The following SCYL1 variants were observed in gnomAD, a reference collection of about 807,000 sequenced individuals.
SCYL1 encodes the protein SCY1 like pseudokinase 1.
In SCYL1, 85 loss-of-function variants were observed where a neutral mutation model predicts 94.8. The observed-to-expected ratio is 0.90, with a 90% CI of 0.75 to 1.07. SCYL1 has a LOEUF of 1.07. SCYL1 is among the 50% of genes least tolerant of loss of function. SCYL1 has a pLI of 0.00. For synonymous variants in SCYL1, 459 were observed against 435.5 expected (o/e 1.05, Z -0.67); for missense variants, 968 against 1,083.3 (o/e 0.89, Z 1.49).
chr11:65,530,526 C>T (rs1855308034), intron 6 of SCYL1, 103 bp from the exon 7 acceptor site: 1 of 1,331,656 alleles, frequency 7.5e-7, no homozygotes, highest in Non-Finnish European at 1.0e-6. Flanking sequence ...GCTCCAGAGC[C>T]CATAAGGCCC....
At chr11:65,536,163 G>T in intron 11 of SCYL1, 22 bp downstream of exon 11, 1 of 1,609,946 alleles carries the variant, frequency 6.2e-7, no homozygotes, top group Non-Finnish European at 8.5e-7. Context: ...CTGGGCCTGG[G>T]CCCTGGGCTG....
At position 65,538,639 on chromosome 11, in the gene SCYL1, C is replaced by T. The variant is rs919231376; in HGVS notation, c.*73C>T. On this transcript the variant is annotated 3_prime_UTR_variant, in exon 18 of 18. Coordinates refer to ENST00000270176, the MANE Select transcript of SCYL1 (RefSeq NM_020680.4). Reference sequence around the variant, plus strand: ...GTATTTATTGTACAAACCATGTGAGCCCGGCCGGCCCAGCCAGGCCATCTC... The same window carrying T: ...GTATTTATTGTACAAACCATGTGAGTCCGGCCGGCCCAGCCAGGCCATCTC... The T allele has an allele frequency of 4.0e-6, 6 of 1,503,176 alleles. No individual in the cohort carries two copies. Among genetic ancestry groups the T allele is most frequent in the Middle Eastern group, 1.8e-4 (1 of 5,706 alleles). The allele number at this position is 1,503,176 out of a possible 1,614,324, so 93.1% of individuals were successfully genotyped here. A position where few individuals can be genotyped will look rare whatever the true frequency, so the allele number is the denominator to read the frequency against.
At position 65,527,122 on chromosome 11, in the gene SCYL1, G is replaced by C. The variant is rs376998761; in HGVS notation, c.849+5G>C. 1 of 1,611,666 alleles carries C rather than the reference G, an allele frequency of 6.2e-7. No individual in the cohort carries two copies. Among genetic ancestry groups the C allele is most frequent in the Non-Finnish European group, 8.5e-7 (1 of 1,178,442 alleles). On this transcript the variant is annotated splice_donor_5th_base_variant and intron_variant, in intron 6 of 17. Coordinates refer to ENST00000270176, the MANE Select transcript of SCYL1 (RefSeq NM_020680.4). The stretch of plus-strand genomic sequence containing the variant: ...CTCTTCCTGGAGGAGATTCAGGTGA[G>C]CCCCCAACCCACCCTGGGCTTCGAC...
chr11:65,538,462 G>A lies in SCYL1; in HGVS notation c.2323G>A (p.Ala775Thr), dbSNP rs573462705. ...TDSRQVKAEL[A>T]RKKREERRRE... ...GCCAGGACAGGTCAAGGCTGAGCTG[G>A]CCCGGAAGAAGCGCGAGGAGCGGCG... Residue 775 changes from alanine to threonine, a missense_variant, in exon 18 of 18, where the codon GCC becomes ACC. This residue lies in a region of SCYL1 where 474 missense variants were observed against 463.6 expected (regional missense o/e 1.02). Transcript: ENST00000270176. 1.9e-6 allele frequency: 3 copies of A among 1,570,602 alleles called. No homozygotes were observed. The highest frequency in any genetic ancestry group is 4.7e-5 in the East Asian group (2 of 42,294).
At chr11:65,531,474 A>G (rs1468116701) in intron 7 of SCYL1, 102 bp from the exon 8 acceptor site, 1 of 812,436 alleles carries the variant, frequency 1.2e-6, no homozygotes, top group Non-Finnish European at 2.1e-6. Flanking sequence ...CTCCGCCATC[A>G]CTTCATTCCC....
intron 10 of SCYL1, 192 bp from the exon 11 acceptor site, chr11:65,535,761 G>A (rs753512346): frequency 4.8e-4 from 299 of 628,212 alleles, no homozygotes; most frequent in Non-Finnish European, 6.7e-4. Flanking sequence ...GAGGCAGTGT[G>A]GAACCCAGTG....
chr11:65,533,734 C>T (rs913197576), intron 9 of SCYL1, among the ~76,000 whole-genome samples: 1 of 151,994 alleles, frequency 6.6e-6, no homozygotes, highest in East Asian at 1.9e-4. Flanking sequence ...GAGCTGTGAT[C>T]GTGACACTGC....
In SCYL1 at chr11:65,538,477, G is replaced by T; in HGVS notation, c.2338G>T (p.Glu780Ter). 6.3e-7 allele frequency: 1 copy of T among 1,588,360 alleles called. No individual in the cohort carries two copies. The highest frequency in any genetic ancestry group is 8.6e-7 in the Non-Finnish European group (1 of 1,169,246). ...GGCTGAGCTGGCCCGGAAGAAGCGC[G>T]AGGAGCGGCGGCGGGAGATGGAGGC... ...VKAELARKKR[E>*]ERRREMEAKR... is the part of the protein sequence containing the mutation. Residue 780 changes from glutamate to a stop codon, truncating the protein, a stop_gained, in exon 18 of 18, where the codon GAG becomes TAG. Coordinates refer to ENST00000270176, the MANE Select transcript of SCYL1 (RefSeq NM_020680.4). LOFTEE classifies it high-confidence loss of function.
rs781490523 is a variant in SCYL1, at chr11:65,536,012, G to A, written c.1446G>A (p.Pro482=). ...GAGCCACTAGGGACCCGTTTGCACCGTCCCGGGTTGCGGGTGTCCTGGGCT... is the reference window on the plus strand; with the variant it reads ...GAGCCACTAGGGACCCGTTTGCACCATCCCGGGTTGCGGGTGTCCTGGGCT... ...FSRATRDPFA[P]SRVAGVLGFA... The change falls in exon 11 of 18, where the codon CCG becomes CCA. Residue 482 remains proline, a synonymous_variant. Transcript: ENST00000270176. The A allele has an allele frequency of 4.1e-5, 66 of 1,613,752 alleles. No individual in the cohort carries two copies. Among genetic ancestry groups the A allele is most frequent in the African/African-American group, 2.8e-4 (21 of 74,910 alleles).
chr11:65,536,646 G>A lies in SCYL1; in HGVS notation c.1712G>A (p.Gly571Asp), dbSNP rs781704923. 6.2e-7 allele frequency: 1 copy of A among 1,614,116 alleles called. No homozygotes were observed. The highest frequency in any genetic ancestry group is 8.5e-7 in the Non-Finnish European group (1 of 1,179,996). Residue 571 changes from glycine to aspartate, a missense_variant, in exon 13 of 18, where the codon GGC becomes GAC. Physicochemically the swap from Gly to Asp is moderately conservative, Grantham distance 94. Transcript: ENST00000270176. ...GMGGAAASWA[G>D]WAVTGVSSLT... ...GGAGGAGCCGCAGCTAGCTGGGCAG[G>A]CTGGGCCGTGACCGGGGTCTCCTCA...
At position 65,538,538 on chromosome 11, in the gene SCYL1, TGAAGCTGGGAGCCCG is replaced by T; in HGVS notation, c.2408_2422del (p.Gly803_Leu807del). ...GAGAGGAAGGTGGCCAAGGGCCCCA[TGAAGCTGGGAGCCCG>T]GAAGCTGGACTGAACCGTGGCGGTG... On this transcript the variant is annotated inframe_deletion, in exon 18 of 18. Coordinates refer to ENST00000270176, the MANE Select transcript of SCYL1 (RefSeq NM_020680.4). 6.2e-7 allele frequency: 1 copy of T among 1,611,686 alleles called. No homozygotes were observed. Among genetic ancestry groups the T allele is most frequent in the Non-Finnish European group, 8.5e-7 (1 of 1,179,534 alleles).
At position 65,531,463 on chromosome 11, in the gene SCYL1, C is replaced by G. The variant is rs533351591; in HGVS notation, c.1009-113C>G. 484 of 749,416 alleles carry G rather than the reference C, an allele frequency of 6.5e-4. 1 individual carries two copies. Among genetic ancestry groups the G allele is most frequent in the African/African-American group, 6.1e-3 (353 of 58,268 alleles). The allele number at this position is 749,416 out of a possible 1,614,324, so 46.4% of individuals were successfully genotyped here. On this transcript the variant is annotated intron_variant, in intron 7 of 17. Coordinates refer to ENST00000270176, the MANE Select transcript of SCYL1 (RefSeq NM_020680.4). ...GCTACTGAGGAAATGCCTGCCCCCCCCTCCGCCATCACTTCATTCCCACCC... is the reference window on the plus strand; with the variant it reads ...GCTACTGAGGAAATGCCTGCCCCCCGCTCCGCCATCACTTCATTCCCACCC...
Position 65,526,864 on chromosome 11 carries a change from C to A in SCYL1, c.684C>A (p.Asn228Lys). Residue 228 changes from asparagine to lysine, a missense_variant, in exon 5 of 18, where the codon AAC becomes AAA. Physicochemically the swap from Asn to Lys is moderately conservative, Grantham distance 94. Coordinates refer to ENST00000270176, the MANE Select transcript of SCYL1 (RefSeq NM_020680.4). The surrounding 1 kb of genome is among the most constrained non-coding windows in gnomAD (Gnocchi z 4.1). ...GPLPRAAALR[N>K]PGKIPKTLVP... Reference sequence around the variant, plus strand: ...TACCTCGGGCAGCAGCCCTACGCAACCCTGGGAAGGTAAGTTTCTTGCCCC... The same window carrying A: ...TACCTCGGGCAGCAGCCCTACGCAAACCTGGGAAGGTAAGTTTCTTGCCCC... 6.2e-7 allele frequency: 1 copy of A among 1,613,404 alleles called. No individual in the cohort carries two copies. Among genetic ancestry groups the A allele is most frequent in the South Asian group, 1.1e-5 (1 of 91,082 alleles).
chr11:65,526,795 G>T lies in SCYL1; in HGVS notation c.615G>T (p.Met205Ile). The T allele has an allele frequency of 6.2e-7, 1 of 1,612,772 alleles. No homozygotes were observed. The highest frequency in any genetic ancestry group is 8.5e-7 in the Non-Finnish European group (1 of 1,179,900). ...RVVREKWSAD[M>I]WRLGCLIWEV... is the part of the protein sequence containing the mutation. ...GTCACTGCCACAGGTCAGCAGACAT[G>T]TGGCGCTTGGGCTGCCTCATTTGGG... The change falls in exon 5 of 18, where the codon ATG (methionine) becomes ATT (isoleucine). Residue 205 changes from methionine to isoleucine, a missense_variant. This residue lies in a region of SCYL1 where 494 missense variants were observed against 619.7 expected (regional missense o/e 0.80). Transcript: ENST00000270176. This position sits in a 1 kb window ranked among gnomAD's most constrained non-coding sequence, Gnocchi z 4.1.
chr11:65,538,161 G>A lies in SCYL1; in HGVS notation c.2226G>A (p.Leu742=). The A allele has an allele frequency of 6.3e-7, 1 of 1,592,606 alleles. No homozygotes were observed. The highest frequency in any genetic ancestry group is 8.5e-7 in the Non-Finnish European group (1 of 1,169,664). ...SSDKGDPFAT[L]SARPSTQPRP... ...ACAAGGGCGACCCCTTCGCTACCCT[G>A]TCTGCACGTCCCAGCACCCAGGTAC... is the stretch of plus-strand genomic sequence containing the variant. The change falls in exon 16 of 18, where the codon CTG becomes CTA. Residue 742 remains leucine (L), a synonymous_variant. Coordinates refer to ENST00000270176, the MANE Select transcript of SCYL1 (RefSeq NM_020680.4).
At chr11:65,535,813 C>G in intron 10 of SCYL1, 140 bp from the exon 11 acceptor site, 1 of 839,132 alleles carries the variant, frequency 1.2e-6, no homozygotes, top group Non-Finnish European at 1.8e-6. Context: ...TAGGTCAACT[C>G]TCCCCATTTA....
Position 65,538,008 on chromosome 11 carries a change from C to T in SCYL1, c.2073C>T (p.Ser691=), listed in dbSNP as rs1231570618. 1.2e-5 allele frequency: 19 copies of T among 1,612,858 alleles called. No homozygotes were observed. The highest frequency in any genetic ancestry group is 5.0e-5 in the Admixed American group (3 of 59,880). The change falls in exon 16 of 18, where the codon TCC becomes TCT. Residue 691 remains serine (S), a synonymous_variant. Coordinates refer to ENST00000270176, the MANE Select transcript of SCYL1 (RefSeq NM_020680.4). ...ACAAATCCTCCAAATCCCCAGAGTC[C>T]GACTGGAGCAGCTGGGAAGCTGAGG... ...SDHKSSKSPE[S]DWSSWEAEGS...
intron 8 of SCYL1, 51 bp downstream of exon 8, chr11:65,531,734 G>GT: frequency 2.8e-6 from 4 of 1,429,322 alleles, no homozygotes; most frequent in Non-Finnish European, 3.9e-6. Context: ...CCCCAACCTG[G>GT]TGGCTGGGGA....
chr11:65,526,078 T>C lies in SCYL1; in HGVS notation c.375+35T>C. 6.2e-7 allele frequency: 1 copy of C among 1,600,656 alleles called. No individual in the cohort carries two copies. ...GGGGCAGTGGTGATGAGAGCAGGGA[T>C]GGGGGGTTGCAGGTGCTGGGGCGTG... On this transcript the variant is annotated intron_variant, in intron 3 of 17. Transcript: ENST00000270176. The surrounding 1 kb of genome is among the most constrained non-coding windows in gnomAD (Gnocchi z 4.1).
Sources: allele counts gnomAD v4.1 joint callset (sites outside exome capture counted in the v4.1 genomes callset), GRCh38; gene constraint gnomAD v4.1.1; regional missense constraint gnomAD v4.1.1; non-coding constraint Gnocchi (gnomAD v3.1); transcripts MANE v1.5; gene names NCBI Gene and HGNC (gene_info 2026-07-23, HGNC 2026-07-21).